GDF1: variants seen among roughly 807,000 people sequenced by gnomAD.
GDF1 encodes embryonic growth/differentiation factor 1.
Under a neutral mutation model 7.4 loss-of-function variants are expected in GDF1, and 8 were observed. The ratio of observed to expected loss-of-function variants is 1.09; its 90% CI spans 0.64 to 1.96. The LOEUF is 1.96. Among genes scored for constraint, GDF1 ranks in the 30% most tolerant of loss-of-function variants. The pLI, the probability that GDF1 is intolerant of heterozygous loss-of-function variation, is 0.00. For synonymous variants in GDF1, 311 were observed against 276.7 expected (o/e 1.12, Z -1.23); for missense variants, 574 against 551.5 (o/e 1.04, Z -0.41).
chr19:18,870,602 C>G lies in GDF1; in HGVS notation c.-295G>C. 1.7e-6 allele frequency: 1 copy of G among 585,828 alleles called. No individual in the cohort carries two copies. The highest frequency in any genetic ancestry group is 3.1e-6 in the Non-Finnish European group (1 of 323,358). 36.3% of individuals were successfully genotyped at this position (585,828 alleles called of 1,614,324 possible). A position where few individuals can be genotyped will look rare whatever the true frequency, so the allele number is the denominator to read the frequency against. On this transcript the variant is annotated 5_prime_UTR_variant, in exon 7 of 8. Transcript: ENST00000247005. The surrounding 1 kb of genome is among the most constrained non-coding windows in gnomAD (Gnocchi z 5.1). ...TCAGAAGCGCTTGTCCTTCACCAGG[C>G]CGTTCCTCAGTGGCTTCCTGGGGGT...
chr19:18,869,121 G>A lies in GDF1; in HGVS notation c.595C>T (p.Leu199=), dbSNP rs1231020146. 1 of 1,090,296 alleles carries A rather than the reference G, an allele frequency of 9.2e-7. No individual in the cohort carries two copies. Among genetic ancestry groups the A allele is most frequent in the Non-Finnish European group, 1.1e-6 (1 of 896,700 alleles). 67.5% of individuals were successfully genotyped at this position (1,090,296 alleles called of 1,614,324 possible). Residue 199 remains leucine, a synonymous_variant, in exon 8 of 8, where the codon CTG becomes TTG. Transcript: ENST00000247005. ...GCGTTGCGAGCCCAAGCGGCGCCCA[G>A]CAGCTCCGCGCGCACTGGCGGCCCC... ...ALGPPVRAEL[L]GAAWARNASW...
chr19:18,869,440 C>T, intron 7 of GDF1, 50 bp from the exon 8 acceptor site: 1 of 1,517,206 alleles, frequency 6.6e-7, no homozygotes, highest in Non-Finnish European at 8.8e-7. Context: ...CCCGGCCTGC[C>T]CATGGGGTCT....
At chr19:18,894,339 G>A (rs555344335) in intron 1 of GDF1, among the ~76,000 whole-genome samples, 1 of 152,250 alleles carries the variant, frequency 6.6e-6, no homozygotes, top group East Asian at 1.9e-4. Context: ...GGCTGAGGGG[G>A]CCGGAGCCCA....
chr19:18,892,482 C>T (rs1404799282), intron 2 of GDF1, among the ~76,000 whole-genome samples: 2 of 152,010 alleles, frequency 1.3e-5, no homozygotes, highest in South Asian at 2.1e-4. Flanking sequence ...GGCGTGGTGG[C>T]GGGCGCCTGT....
At chr19:18,893,247 C>T (rs998029638) in intron 2 of GDF1, among the ~76,000 whole-genome samples, 169 bp downstream of exon 2, 5 of 152,144 alleles carry the variant, frequency 3.3e-5, no homozygotes, top group African/African-American at 4.8e-5. Context: ...CAGGGTCTCA[C>T]TCTGTCGTCC....
At chr19:18,880,197 G>A (rs2056168325) in intron 4 of GDF1, 77 bp downstream of exon 4, 3 of 1,388,066 alleles carry the variant, frequency 2.2e-6, no homozygotes, top group Admixed American at 4.9e-5. Flanking sequence ...TTCCCTGCCT[G>A]GTCCCGCCCC....
intron 2 of GDF1, among the ~76,000 whole-genome samples, chr19:18,885,815 G>C (rs966100350): frequency 6.6e-6 from 1 of 151,928 alleles, no homozygotes; most frequent in Non-Finnish European, 1.5e-5. Flanking sequence ...CGCTGCGCCC[G>C]GCCTCTTCCT....
chr19:18,869,086 CG>C lies in GDF1; in HGVS notation c.629del (p.Pro210ArgfsTer29). ...GAAWARNASW[P>X]RSLRLALALR... Reference sequence around the variant, plus strand: ...GCGCCAGCGCCAGGCGGAGGCTGCGCGGCCATGAGGCGTTGCGAGCCCAAGC... The same window carrying C: ...GCGCCAGCGCCAGGCGGAGGCTGCGCGCCATGAGGCGTTGCGAGCCCAAGC... On this transcript the variant is annotated frameshift_variant, in exon 8 of 8. Transcript: ENST00000247005. LOFTEE classifies it low-confidence loss of function (END_TRUNC). 9.4e-7 allele frequency: 1 copy of C among 1,064,510 alleles called. No homozygotes were observed. Among genetic ancestry groups the C allele is most frequent in the African/African-American group, 1.7e-5 (1 of 58,370 alleles). 65.9% of individuals were successfully genotyped at this position (1,064,510 alleles called of 1,614,324 possible).
At chr19:18,892,269 G>T (rs552331661) in intron 2 of GDF1, among the ~76,000 whole-genome samples, 2 of 152,166 alleles carry the variant, frequency 1.3e-5, no homozygotes, top group African/African-American at 4.8e-5. Flanking sequence ...GGCAGCCAGA[G>T]GAAGCATTTT....
intron 3 of GDF1, chr19:18,883,043 C>CA (rs1326487003): frequency 1.3e-5 from 2 of 152,150 alleles, no homozygotes; most frequent in African/African-American, 4.8e-5. Context: ...AGGTTGAACT[C>CA]AAACTTCTGG....
intron 2 of GDF1, among the ~76,000 whole-genome samples, chr19:18,886,548 C>G (rs548187431): frequency 2.0e-5 from 3 of 152,212 alleles, no homozygotes; most frequent in African/African-American, 7.2e-5. Flanking sequence ...CAGCCAGACC[C>G]TGTCTCAAAA....
Position 18,893,408 on chromosome 19 carries a change from G to A in GDF1, c.-914+8C>T, listed in dbSNP as rs2056544086. On this transcript the variant is annotated splice_region_variant and intron_variant, in intron 2 of 7. Transcript: ENST00000247005. ...GAGCCCTCCCGGCCATCCCCTCAGGGCCCCTACCGTAGAAGACAGATGGTG... is the reference window on the plus strand; with the variant it reads ...GAGCCCTCCCGGCCATCCCCTCAGGACCCCTACCGTAGAAGACAGATGGTG... The A allele has an allele frequency of 6.3e-7, 1 of 1,598,208 alleles. No homozygotes were observed.
rs1021846241 is a variant in GDF1 at position 18,896,079 on chromosome 19, C to T, written c.-1329G>A. The T allele has an allele frequency of 1.0e-6, 1 of 959,238 alleles. No homozygotes were observed. Among genetic ancestry groups the T allele is most frequent in the African/African-American group, 1.8e-5 (1 of 56,252 alleles). The allele number at this position is 959,238 out of a possible 1,614,324, so 59.4% of individuals were successfully genotyped here. On this transcript the variant is annotated 5_prime_UTR_variant, in exon 1 of 8. Transcript: ENST00000247005. This position sits in a 1 kb window ranked among gnomAD's most constrained non-coding sequence, Gnocchi z 5.9. ...CGGGCCCCGCCGCCGCCATACCGCC[C>T]GCTCGCCCGCCGTGCCCGTCGCCTG...
In GDF1 at chr19:18,884,269, TG is replaced by T; in HGVS notation, c.-913-3del. The T allele has an allele frequency of 6.2e-7, 1 of 1,609,340 alleles. No homozygotes were observed. ...GCACTGCCATGCCCGGCGTCCAGTCTGGGGAGAGCCAAATCTCACAGTCAGG... is the reference window on the plus strand; with the variant it reads ...GCACTGCCATGCCCGGCGTCCAGTCTGGGAGAGCCAAATCTCACAGTCAGG... On this transcript the variant is annotated splice_polypyrimidine_tract_variant and splice_region_variant and intron_variant, in intron 2 of 7. Transcript: ENST00000247005.
At position 18,869,075 on chromosome 19, in the gene GDF1, C is replaced by A; in HGVS notation, c.641G>T (p.Arg214Leu). The change falls in exon 8 of 8, where the codon CGC (arginine) becomes CTC (leucine). Residue 214 changes from arginine to leucine, a missense_variant. Transcript: ENST00000247005. ...ARNASWPRSL[R>L]LALALRPRAP... Reference sequence around the variant, plus strand: ...CCGGGGGCGTAGCGCCAGCGCCAGGCGGAGGCTGCGCGGCCATGAGGCGTT... The same window carrying A: ...CCGGGGGCGTAGCGCCAGCGCCAGGAGGAGGCTGCGCGGCCATGAGGCGTT... 9.4e-7 allele frequency: 1 copy of A among 1,060,258 alleles called. No individual in the cohort carries two copies. Among genetic ancestry groups the A allele is most frequent in the Non-Finnish European group, 1.1e-6 (1 of 878,888 alleles). 65.7% of individuals were successfully genotyped at this position (1,060,258 alleles called of 1,614,324 possible).
At chr19:18,873,265 T>C (rs1000542322) in intron 6 of GDF1, among the ~76,000 whole-genome samples, 6 of 152,042 alleles carry the variant, frequency 3.9e-5, no homozygotes, top group African/African-American at 1.4e-4. Context: ...AGATGGAGAA[T>C]GGCACTCAGG....
chr19:18,872,545 C>T (rs369650922), intron 6 of GDF1, among the ~76,000 whole-genome samples: 5 of 149,276 alleles, frequency 3.3e-5, no homozygotes, highest in East Asian at 3.9e-4. Context: ...GACGAAGTCT[C>T]GCTCTTGTCC....
At chr19:18,886,036 C>T (rs889651486) in intron 2 of GDF1, among the ~76,000 whole-genome samples, 1 of 152,170 alleles carries the variant, frequency 6.6e-6, no homozygotes, top group African/African-American at 2.4e-5. Flanking sequence ...ATGGGTGACA[C>T]ACCAGCCCAC....
intron 6 of GDF1, among the ~76,000 whole-genome samples, chr19:18,871,060 T>C (rs2055960521): frequency 6.6e-6 from 1 of 151,130 alleles, no homozygotes; most frequent in Non-Finnish European, 1.5e-5. Flanking sequence ...ATCTGCTGTC[T>C]CCACCTACTT....
Sources: allele counts gnomAD v4.1 joint callset (sites outside exome capture counted in the v4.1 genomes callset), GRCh38; gene constraint gnomAD v4.1.1; non-coding constraint Gnocchi (gnomAD v3.1); transcripts MANE v1.5; gene names NCBI Gene and HGNC (gene_info 2026-07-23, HGNC 2026-07-21).